Variants in WDR72 observed in about 807,000 individuals in gnomAD.
WDR72 encodes WD repeat-containing protein 72.
WDR72 carries 120 observed loss-of-function variants against 124.2 expected under a neutral mutation model. That is an observed-to-expected ratio of 0.97 (90% CI 0.83 to 1.12). The LOEUF is 1.12. Ranked by LOEUF, WDR72 falls within the 50% of genes most tolerant of loss-of-function variation. The pLI is 0.00. For synonymous variants in WDR72, 452 were observed against 441.7 expected (o/e 1.02, Z -0.29); for missense variants, 1,387 against 1,278.8 (o/e 1.08, Z -1.29).
chr15:53,523,485 T>C (rs1365455729), intron 18 of WDR72, among the ~76,000 whole-genome samples, 163 bp from the exon 19 acceptor site: 1 of 152,084 alleles, frequency 6.6e-6, no homozygotes, highest in East Asian at 1.9e-4. Context: ...TCTAAGTATT[T>C]ATTGGCAGAC....
At chr15:53,662,736 A>G (rs1190217934) in intron 14 of WDR72, among the ~76,000 whole-genome samples, 1 of 152,082 alleles carries the variant, frequency 6.6e-6, no homozygotes, top group Non-Finnish European at 1.5e-5. Flanking sequence ...ATAACATTTC[A>G]CACTTATCAA....
intron 18 of WDR72, among the ~76,000 whole-genome samples, chr15:53,551,363 A>G (rs945417180): frequency 2.0e-5 from 3 of 152,180 alleles, no homozygotes; most frequent in Non-Finnish European, 4.4e-5. Flanking sequence ...GTTTAGATTT[A>G]CATATGTAAA....
At chr15:53,735,577 T>C (rs1225289149) in intron 1 of WDR72, among the ~76,000 whole-genome samples, 1 of 152,196 alleles carries the variant, frequency 6.6e-6, no homozygotes, top group Non-Finnish European at 1.5e-5. Flanking sequence ...ACAAATATTA[T>C]GTGTGTCAAT....
At chr15:53,681,097 G>A (rs928602361) in intron 13 of WDR72, among the ~76,000 whole-genome samples, 3 of 152,202 alleles carry the variant, frequency 2.0e-5, no homozygotes, top group Non-Finnish European at 4.4e-5. Flanking sequence ...AATGGTAGGA[G>A]TTGGATATTA....
intron 13 of WDR72, among the ~76,000 whole-genome samples, chr15:53,674,764 G>A (rs1179239290): frequency 6.6e-6 from 1 of 152,020 alleles, no homozygotes; most frequent in Non-Finnish European, 1.5e-5. Flanking sequence ...GGGTATATAG[G>A]ATACATTTTT....
chr15:53,551,694 G>A (rs1893735623), intron 18 of WDR72, among the ~76,000 whole-genome samples: 1 of 152,116 alleles, frequency 6.6e-6, no homozygotes, highest in African/African-American at 2.4e-5. Flanking sequence ...TACCTTAAGA[G>A]TCAGACATAA....
intron 2 of WDR72, among the ~76,000 whole-genome samples, chr15:53,726,925 T>C (rs1454668291): frequency 6.6e-6 from 1 of 152,172 alleles, no homozygotes; most frequent in East Asian, 1.9e-4. Flanking sequence ...AGTAAATTCC[T>C]CATTATTTTG....
intron 14 of WDR72, among the ~76,000 whole-genome samples, chr15:53,662,170 G>A (rs1307901847): frequency 2.6e-5 from 4 of 152,010 alleles, no homozygotes; most frequent in Non-Finnish European, 5.9e-5. Context: ...CTTATCCTTA[G>A]ATAAATCTAA....
chr15:53,623,655 C>A (rs1173119496), intron 14 of WDR72, among the ~76,000 whole-genome samples: 1 of 151,572 alleles, frequency 6.6e-6, no homozygotes, highest in Admixed American at 6.6e-5. Flanking sequence ...ACTTTATTTT[C>A]TTTCCCAGTA....
intron 16 of WDR72, 24 bp from the exon 17 acceptor site, chr15:53,609,616 G>T (rs772432706): frequency 1.9e-6 from 3 of 1,587,982 alleles, no homozygotes; most frequent in Non-Finnish European, 2.6e-6. Context: ...GAACACACTT[G>T]TATCTTTAGA....
At chr15:53,688,592 T>C (rs1444999108) in intron 13 of WDR72, among the ~76,000 whole-genome samples, 3 of 152,200 alleles carry the variant, frequency 2.0e-5, no homozygotes, top group Non-Finnish European at 2.9e-5. Context: ...GAACATTCCA[T>C]GCTCATGGGT....
intron 18 of WDR72, among the ~76,000 whole-genome samples, chr15:53,593,985 A>G (rs2012640387): frequency 6.6e-6 from 1 of 152,090 alleles, no homozygotes; most frequent in Non-Finnish European, 1.5e-5. Context: ...GAACATGAAC[A>G]TTTTAAAAAT....
chr15:53,547,634 A>G (rs1283505301), intron 18 of WDR72, among the ~76,000 whole-genome samples: 1 of 152,204 alleles, frequency 6.6e-6, no homozygotes, highest in African/African-American at 2.4e-5. Context: ...ATTTGTAGGA[A>G]GAACTACACC....
intron 18 of WDR72, among the ~76,000 whole-genome samples, chr15:53,570,429 A>G (rs989283453): frequency 9.9e-5 from 15 of 152,124 alleles, no homozygotes; most frequent in African/African-American, 3.4e-4. Context: ...TGGGCAAAGG[A>G]CATGAACAGA....
chr15:53,711,007 T>C, intron 8 of WDR72, 54 bp from the exon 9 acceptor site: 1 of 1,482,568 alleles, frequency 6.7e-7, no homozygotes, highest in Non-Finnish European at 9.3e-7. Context: ...CTTTATTCGT[T>C]TTTTTTCCCC....
chr15:53,723,905 G>A (rs755171599), intron 2 of WDR72, among the ~76,000 whole-genome samples: 2 of 152,114 alleles, frequency 1.3e-5, no homozygotes, highest in Non-Finnish European at 2.9e-5. Context: ...ACAGTTGGTT[G>A]AATCCATGGA....
intron 13 of WDR72, among the ~76,000 whole-genome samples, chr15:53,695,407 A>G (rs1450882587): frequency 6.6e-6 from 1 of 152,274 alleles, no homozygotes; most frequent in Non-Finnish European, 1.5e-5. Context: ...TCAGTAATAC[A>G]TTATTACGCC....
intron 18 of WDR72, among the ~76,000 whole-genome samples, chr15:53,560,948 C>T (rs1894103968): frequency 6.6e-6 from 1 of 151,748 alleles, no homozygotes; most frequent in South Asian, 2.1e-4. Flanking sequence ...TATTCTTCCA[C>T]ACTCTCTCTT....
chr15:53,697,625 T>G lies in WDR72; in HGVS notation c.1765+2125A>C, dbSNP rs114446082. 2.0e-3 allele frequency among the ~76,000 whole-genome samples: 298 copies of G among 152,302 alleles called. 2 individuals carry two copies. Among genetic ancestry groups the G allele is most frequent in the African/African-American group, 7.0e-3 (289 of 41,566 alleles). ...CATTCCTTGTCTGGTCCCTAATCCC[T>G]GCCCACACCTCTATAAATAGTCCTT... is the stretch of plus-strand genomic sequence containing the variant. On this transcript the variant is annotated intron_variant, in intron 13 of 19. Coordinates refer to ENST00000360509, the MANE Select transcript of WDR72 (RefSeq NM_182758.4).
Sources: allele counts gnomAD v4.1 joint callset (sites outside exome capture counted in the v4.1 genomes callset), GRCh38; gene constraint gnomAD v4.1.1; transcripts MANE v1.5; gene names NCBI Gene and HGNC (gene_info 2026-07-23, HGNC 2026-07-21).